The following LARGE1 variants were observed in gnomAD, a reference collection of about 807,000 sequenced individuals.
LARGE1 encodes xylosyl- and glucuronyltransferase LARGE1.
A neutral mutation model predicts 87.6 loss-of-function variants in LARGE1; 43 were observed. The observed-to-expected ratio is 0.49, with a 90% confidence interval of 0.38 to 0.63. The LOEUF (loss-of-function observed/expected upper bound fraction) is 0.63. Ranked by LOEUF, LARGE1 falls within the 30% of genes least tolerant of loss-of-function variation. LARGE1 has a pLI of 0.00. For synonymous variants in LARGE1, 434 were observed against 394.6 expected, an observed-to-expected ratio of 1.10 and a Z score of -1.18; for missense variants, 802 against 1,000.2, an observed-to-expected ratio of 0.80 and a Z score of 2.67.
chr22:33,217,262 CAGT>C (rs1013663026), intron 11 of LARGE1, among the ~76,000 whole-genome samples: 3 of 150,896 alleles, frequency 2.0e-5, no homozygotes, highest in African/African-American at 7.3e-5. Context: ...AAATAACGAG[CAGT>C]AGTTCTCCAG....
At chr22:33,612,479 T>C (rs1350848685) in intron 4 of LARGE1, among the ~76,000 whole-genome samples, 1 of 152,208 alleles carries the variant, frequency 6.6e-6, no homozygotes, top group Admixed American at 6.5e-5. Context: ...GACTTGAATA[T>C]GTGCAGATTC....
chr22:33,092,407 T>C, the LARGE1 span, among the ~76,000 whole-genome samples: 3 of 152,184 alleles, frequency 2.0e-5, no homozygotes, highest in Non-Finnish European at 4.4e-5. Flanking sequence ...CCTGGCTGCC[T>C]AAGCTCAGAA....
At chr22:33,435,546 C>T (rs2067237513) in intron 6 of LARGE1, among the ~76,000 whole-genome samples, 1 of 152,144 alleles carries the variant, frequency 6.6e-6, no homozygotes, top group Admixed American at 6.5e-5. Context: ...ATTTCACCCT[C>T]TCTGTAGTCA....
chr22:33,811,198 T>C (rs1569455390), intron 1 of LARGE1, among the ~76,000 whole-genome samples: 1 of 152,186 alleles, frequency 6.6e-6, no homozygotes, highest in African/African-American at 2.4e-5. Context: ...CCACCAGCTG[T>C]GGTGGGGTCT....
At chr22:33,881,441 G>C (rs1196126135) in intron 1 of LARGE1, among the ~76,000 whole-genome samples, 3 of 152,194 alleles carry the variant, frequency 2.0e-5, no homozygotes, top group Non-Finnish European at 4.4e-5. Flanking sequence ...GGATTTTTGA[G>C]AAATGAAAGG....
chr22:33,738,978 C>G (rs1408152175), intron 2 of LARGE1, among the ~76,000 whole-genome samples: 2 of 150,282 alleles, frequency 1.3e-5, no homozygotes, highest in Admixed American at 6.7e-5. Flanking sequence ...TACAGTCATC[C>G]TAGATACAGT....
intron 3 of LARGE1, among the ~76,000 whole-genome samples, chr22:33,641,752 T>C (rs117963922): frequency 0.019 from 2,892 of 152,140 alleles, 38 homozygotes; most frequent in South Asian, 0.058. Context: ...CAAGTATCGA[T>C]AGCCGAATCA....
intron 1 of LARGE1, among the ~76,000 whole-genome samples, chr22:33,828,531 A>G (rs1166315517): frequency 6.6e-6 from 1 of 152,212 alleles, no homozygotes; most frequent in Admixed American, 6.5e-5. Flanking sequence ...AAGAAAGTGA[A>G]AACTTTAGCC....
chr22:33,440,855 A>G (rs1052534618), intron 6 of LARGE1, among the ~76,000 whole-genome samples: 4 of 152,164 alleles, frequency 2.6e-5, no homozygotes, highest in African/African-American at 4.8e-5. Context: ...AAAGCACCCT[A>G]GGATCACAGA....
the LARGE1 span, chr22:33,105,440 C>T: frequency 4.6e-5 from 7 of 152,336 alleles, no homozygotes; most frequent in East Asian, 5.8e-4. Context: ...GGGGCCCACC[C>T]GCCCAGGCTG....
intron 2 of LARGE1, among the ~76,000 whole-genome samples, chr22:33,742,229 C>G (rs1055046153): frequency 6.6e-6 from 1 of 152,088 alleles, no homozygotes; most frequent in Admixed American, 6.5e-5. Flanking sequence ...CGCCTGTAAG[C>G]AGGGATAATA....
intron 9 of LARGE1, among the ~76,000 whole-genome samples, chr22:33,371,954 A>C (rs1030748323): frequency 1.4e-4 from 22 of 151,968 alleles, no homozygotes; most frequent in African/African-American, 5.3e-4. Context: ...ACTGCACTCC[A>C]GCCTGGGCGA....
chr22:33,136,934 T>TCAAA, the LARGE1 span, among the ~76,000 whole-genome samples: 638 of 147,884 alleles, frequency 4.3e-3, 1 homozygote, highest in Middle Eastern at 7.2e-3. Context: ...AATATTAAGG[T>TCAAA]AAAAAAAAAA....
At chr22:33,440,210 A>G (rs1438190005) in intron 6 of LARGE1, among the ~76,000 whole-genome samples, 1 of 152,238 alleles carries the variant, frequency 6.6e-6, no homozygotes, top group East Asian at 1.9e-4. Flanking sequence ...GAATGGGTGA[A>G]TAAATAAAAA....
At chr22:33,844,004 G>A (rs955734579) in intron 1 of LARGE1, among the ~76,000 whole-genome samples, 17 of 151,502 alleles carry the variant, frequency 1.1e-4, no homozygotes, top group African/African-American at 2.4e-4. Flanking sequence ...GCTTGAACCC[G>A]GGAGGCGGAG....
the LARGE1 span, among the ~76,000 whole-genome samples, chr22:33,110,932 T>C: frequency 6.6e-6 from 1 of 152,156 alleles, no homozygotes; most frequent in Non-Finnish European, 1.5e-5. Flanking sequence ...AGGGGAAAAT[T>C]CCATGTGAGG....
At chr22:33,452,475 G>A (rs904233715) in intron 6 of LARGE1, among the ~76,000 whole-genome samples, 3 of 152,218 alleles carry the variant, frequency 2.0e-5, no homozygotes, top group Admixed American at 2.0e-4. Context: ...TGGCAGGCCT[G>A]GTACACCTGT....
At chr22:33,417,121 G>GCT (rs2066528506) in intron 7 of LARGE1, among the ~76,000 whole-genome samples, 1 of 151,438 alleles carries the variant, frequency 6.6e-6, no homozygotes. Context: ...TGGCCAGGAT[G>GCT]CTCTCTATCT....
the LARGE1 span, among the ~76,000 whole-genome samples, chr22:33,152,845 A>G: frequency 3.3e-5 from 5 of 151,878 alleles, no homozygotes; most frequent in African/African-American, 1.2e-4. Flanking sequence ...TTTGTGCTCT[A>G]TTTTGTTGTT....
Sources: allele counts gnomAD v4.1 joint callset (sites outside exome capture counted in the v4.1 genomes callset), GRCh38; gene constraint gnomAD v4.1.1; transcripts MANE v1.5; gene names NCBI Gene and HGNC (gene_info 2026-07-23, HGNC 2026-07-21).